Variants in HMG20A observed in about 807,000 individuals in gnomAD.
The protein encoded by HMG20A is high mobility group 20A.
HMG20A carries 17 observed loss-of-function variants against 43.9 expected under a neutral mutation model. The ratio of observed to expected loss-of-function variants is 0.39; its 90% CI spans 0.27 to 0.58. HMG20A has a LOEUF of 0.58. Among genes scored for constraint, HMG20A ranks in the 20% least tolerant of loss-of-function variants. The pLI, the probability that HMG20A is intolerant of heterozygous loss-of-function variation, is 0.59. For missense variants in HMG20A, 341 were observed against 438.2 expected, an observed-to-expected ratio of 0.78 and a Z score of 1.98; for synonymous variants, 132 against 147.5, an observed-to-expected ratio of 0.89 and a Z score of 0.76.
chr15:77,487,275 C>T (rs1015759513), downstream of HMG20A, among the ~76,000 whole-genome samples: 7 of 152,168 alleles, frequency 4.6e-5, no homozygotes, highest in Non-Finnish European at 8.8e-5. Flanking sequence ...CTGTGCCCAA[C>T]AATACAGGTT....
the HMG20A span, among the ~76,000 whole-genome samples, chr15:77,502,479 G>A: frequency 5.2e-3 from 795 of 152,112 alleles, 7 homozygotes; most frequent in African/African-American, 0.018. Flanking sequence ...GTGGTTTCTC[G>A]TCCTTCTCCA....
At position 77,484,002 on chromosome 15, in the gene HMG20A, G is replaced by T. The variant is rs988619151; in HGVS notation, c.*1039G>T. ...TTCTCATGTCCTTTGTCTTCCTTCT[G>T]TAGCCATTAACTGCTGAATCCATGT... On this transcript the variant is annotated 3_prime_UTR_variant, in exon 10 of 10. Coordinates refer to ENST00000336216, the MANE Select transcript of HMG20A (RefSeq NM_001304504.2). 3 of 152,214 alleles carry T rather than the reference G, an allele frequency of 2.0e-5. No individual in the cohort carries two copies. Among genetic ancestry groups the T allele is most frequent in the African/African-American group, 7.2e-5 (3 of 41,450 alleles). The allele number at this position is 152,214 out of a possible 1,614,324, so 9.4% of individuals were successfully genotyped here.
chr15:77,470,466 C>A (rs145987161), intron 4 of HMG20A, among the ~76,000 whole-genome samples: 1 of 152,292 alleles, frequency 6.6e-6, no homozygotes, highest in East Asian at 1.9e-4. Context: ...ATGACATCAT[C>A]CCCTCAAAAT....
At chr15:77,427,991 G>A (rs2073443513) in intron 1 of HMG20A, among the ~76,000 whole-genome samples, 1 of 152,188 alleles carries the variant, frequency 6.6e-6, no homozygotes, top group Non-Finnish European at 1.5e-5. Flanking sequence ...TTCTCATACT[G>A]CATGATCCCT....
At chr15:77,500,242 G>A in the HMG20A span, among the ~76,000 whole-genome samples, 4 of 152,188 alleles carry the variant, frequency 2.6e-5, no homozygotes, top group African/African-American at 9.6e-5. Flanking sequence ...ATGAAACTAA[G>A]ACTTAGCTAG....
chr15:77,505,328 G>A, the HMG20A span, among the ~76,000 whole-genome samples: 1 of 152,230 alleles, frequency 6.6e-6, no homozygotes, highest in Non-Finnish European at 1.5e-5. Flanking sequence ...CAGCTTCCCA[G>A]AGCTGATGCA....
rs556930115 is a variant in HMG20A at position 77,446,536 on chromosome 15, G to A, written c.-4-11868G>A. Among the ~76,000 whole-genome samples, 44 of 152,220 alleles carry A rather than the reference G, an allele frequency of 2.9e-4. No homozygotes were observed. In the Middle Eastern group the frequency reaches 0.014, roughly 47 times the overall value. On this transcript the variant is annotated intron_variant, in intron 1 of 9. Coordinates refer to ENST00000336216, the MANE Select transcript of HMG20A (RefSeq NM_001304504.2). ...AAAGTATACATATGTGGCTGGGTGC[G>A]GTGGCTCACGCCTGTAATCCCAGCA... is the stretch of plus-strand genomic sequence containing the variant.
At chr15:77,478,243 C>T in intron 7 of HMG20A, 52 bp from the exon 8 acceptor site, 1 of 1,590,426 alleles carries the variant, frequency 6.3e-7, no homozygotes, top group Non-Finnish European at 8.6e-7. Flanking sequence ...ATTGGGACTC[C>T]TCAGAGACTC....
intron 6 of HMG20A, among the ~76,000 whole-genome samples, chr15:77,475,926 A>G (rs910995352): frequency 6.6e-6 from 1 of 152,148 alleles, no homozygotes; most frequent in African/African-American, 2.4e-5. Context: ...TTTGTTGTTC[A>G]TTTTCAAATT....
At chr15:77,487,543 A>G (rs1344589231), downstream of HMG20A, among the ~76,000 whole-genome samples, 1 of 152,090 alleles carries the variant, frequency 6.6e-6, no homozygotes, top group African/African-American at 2.4e-5. Context: ...CTCTTCCCCT[A>G]CCCTACAACA....
chr15:77,426,605 A>G (rs2073430459), intron 1 of HMG20A, among the ~76,000 whole-genome samples: 1 of 152,188 alleles, frequency 6.6e-6, no homozygotes, highest in African/African-American at 2.4e-5. Context: ...GCAGAAGAAA[A>G]TCAGCATATA....
chr15:77,503,770 G>A, the HMG20A span, among the ~76,000 whole-genome samples: 162 of 152,180 alleles, frequency 1.1e-3, 2 homozygotes, highest in Non-Finnish European at 1.2e-3. Flanking sequence ...AGAGGATCTC[G>A]TTAAAACAGA....
chr15:77,489,222 C>T (rs1430289230), downstream of HMG20A, among the ~76,000 whole-genome samples: 4 of 152,202 alleles, frequency 2.6e-5, no homozygotes. Context: ...TACCATAGGC[C>T]ACTCTGCTGT....
chr15:77,511,243 G>A, the HMG20A span, among the ~76,000 whole-genome samples: 975 of 152,270 alleles, frequency 6.4e-3, 9 homozygotes, highest in African/African-American at 0.022. Flanking sequence ...GATTTTTAAT[G>A]TATGGATCTA....
Position 77,442,198 on chromosome 15 carries a change from A to ATAAT in HMG20A, c.-4-16202_-4-16199dup, listed in dbSNP as rs747019929. 9.2e-5 allele frequency among the ~76,000 whole-genome samples: 14 copies of ATAAT among 152,180 alleles called. No homozygotes were observed. The East Asian group carries it at 1.5e-3, about 17-fold the overall frequency. On this transcript the variant is annotated intron_variant, in intron 1 of 9. Transcript: ENST00000336216. The stretch of plus-strand genomic sequence containing the variant: ...GCTCATTTTCCTGGTCTGTTTTCCC[A>ATAAT]TAATTAAATGGTATTCTTGTTTGAT...
At chr15:77,493,137 A>G in the HMG20A span, among the ~76,000 whole-genome samples, 1 of 152,186 alleles carries the variant, frequency 6.6e-6, no homozygotes, top group Non-Finnish European at 1.5e-5. Context: ...CCTAGTATCT[A>G]GTGGAAGAAA....
intron 3 of HMG20A, 92 bp downstream of exon 3, chr15:77,464,479 CCTT>C: frequency 2.3e-6 from 3 of 1,326,248 alleles, no homozygotes; most frequent in South Asian, 2.7e-5. Context: ...GTTCATATGA[CCTT>C]CTTATATTCT....
intron 2 of HMG20A, among the ~76,000 whole-genome samples, chr15:77,459,464 T>C (rs2072686075): frequency 6.6e-6 from 1 of 152,098 alleles, no homozygotes; most frequent in Admixed American, 6.6e-5. Context: ...ATATACTATG[T>C]TGATAAGAAC....
At chr15:77,459,885 GTAT>G (rs2072689948) in intron 2 of HMG20A, among the ~76,000 whole-genome samples, 1 of 152,180 alleles carries the variant, frequency 6.6e-6, no homozygotes, top group South Asian at 2.1e-4. Context: ...AGTTCTGCTG[GTAT>G]GAGGCCCATA....
Sources: allele counts gnomAD v4.1 joint callset (sites outside exome capture counted in the v4.1 genomes callset), GRCh38; gene constraint gnomAD v4.1.1; transcripts MANE v1.5; gene names NCBI Gene and HGNC (gene_info 2026-07-23, HGNC 2026-07-21).